The following NPFFR2 variants were observed in gnomAD, a reference collection of about 807,000 sequenced individuals.
The protein encoded by NPFFR2 is neuropeptide FF receptor 2.
NPFFR2 carries 15 observed loss-of-function variants against 13.1 expected under a neutral mutation model. That is an observed-to-expected ratio of 1.15 (90% CI 0.77 to 1.76). The LOEUF (loss-of-function observed/expected upper bound fraction) is 1.76. NPFFR2 is among the 40% of genes most tolerant of loss of function. NPFFR2 has a pLI of 0.00. For missense variants in NPFFR2, 572 were observed against 503.5 expected (o/e 1.14, Z -1.30); for synonymous variants, 190 against 175.7 (o/e 1.08, Z -0.65).
chr4:72,125,366 C>T (rs1200535724), intron 1 of NPFFR2, among the ~76,000 whole-genome samples: 1 of 151,372 alleles, frequency 6.6e-6, no homozygotes, highest in Non-Finnish European at 1.5e-5. Flanking sequence ...AAAAGAAAAC[C>T]TCCAACCTCT....
chr4:72,042,595 T>C (rs1017932269), intron 1 of NPFFR2, among the ~76,000 whole-genome samples: 4 of 152,146 alleles, frequency 2.6e-5, no homozygotes, highest in African/African-American at 7.2e-5. Context: ...CAGGCTGAGG[T>C]AATCTGAGAT....
chr4:72,133,493 TC>T (rs1482677956), intron 2 of NPFFR2, among the ~76,000 whole-genome samples: 1 of 152,212 alleles, frequency 6.6e-6, no homozygotes, highest in African/African-American at 2.4e-5. Flanking sequence ...CTATTCAGGC[TC>T]TTTTTTGCTT....
intron 1 of NPFFR2, among the ~76,000 whole-genome samples, chr4:72,126,871 T>A (rs1000328719): frequency 6.6e-6 from 1 of 152,198 alleles, no homozygotes; most frequent in African/African-American, 2.4e-5. Flanking sequence ...CTTCACCCCA[T>A]GTACATTTTC....
chr4:72,054,847 G>T (rs1270148485), intron 1 of NPFFR2, among the ~76,000 whole-genome samples: 2 of 151,802 alleles, frequency 1.3e-5, no homozygotes, highest in Admixed American at 6.6e-5. Context: ...ATGAAAAACT[G>T]TTCAGAGTTC....
intron 1 of NPFFR2, among the ~76,000 whole-genome samples, chr4:72,044,676 A>G (rs1719326675): frequency 6.6e-6 from 1 of 151,512 alleles, no homozygotes; most frequent in African/African-American, 2.4e-5. Context: ...TCATGTAGCC[A>G]TTGGCCATGT....
rs747544893 is a variant in NPFFR2, at chr4:72,147,131, C to G, written c.582C>G (p.Leu194=). 8.1e-6 allele frequency: 13 copies of G among 1,614,118 alleles called. No homozygotes were observed. Among genetic ancestry groups the G allele is most frequent in the Middle Eastern group, 3.3e-4 (2 of 6,062 alleles). Residue 194 remains leucine (L), a synonymous_variant, in exon 4 of 4, where the codon CTC becomes CTG. Coordinates refer to ENST00000308744, the MANE Select transcript of NPFFR2 (RefSeq NM_004885.3). ...AAGAAAAATATTACCGAGTGAGACT[C>G]AACTCCCAGAATAAAACCAGTCCAG... ...VQEEKYYRVR[L]NSQNKTSPVY...
chr4:72,059,742 A>C (rs1300263702), intron 1 of NPFFR2, among the ~76,000 whole-genome samples: 1 of 152,056 alleles, frequency 6.6e-6, no homozygotes, highest in Non-Finnish European at 1.5e-5. Context: ...ACTTATATTA[A>C]TATTTAGTCA....
At chr4:72,044,048 C>T (rs1385300330) in intron 1 of NPFFR2, among the ~76,000 whole-genome samples, 1 of 152,098 alleles carries the variant, frequency 6.6e-6, no homozygotes, top group South Asian at 2.1e-4. Flanking sequence ...GTGAGTGAGT[C>T]CTCACAAGAT....
rs369230783 is a variant in NPFFR2, at chr4:72,068,957, A to G, written c.-8+36757A>G. On this transcript the variant is annotated intron_variant, in intron 1 of 3. Coordinates refer to ENST00000308744, the MANE Select transcript of NPFFR2 (RefSeq NM_004885.3). The stretch of plus-strand genomic sequence containing the variant: ...TAGGATGTTAATTATAGCTTTTGAC[A>G]TACAAGAAACATCAAAAAGATTGAA... 495 of 1,431,934 alleles carry G rather than the reference A, an allele frequency of 3.5e-4. 4 individuals are homozygous for G. The highest frequency in any genetic ancestry group is 1.1e-3 in the African/African-American group (73 of 66,590). The allele number at this position is 1,431,934 out of a possible 1,614,324, so 88.7% of individuals were successfully genotyped here.
At chr4:72,118,467 T>A (rs1315642868) in intron 1 of NPFFR2, among the ~76,000 whole-genome samples, 1 of 152,154 alleles carries the variant, frequency 6.6e-6, no homozygotes, top group Non-Finnish European at 1.5e-5. Flanking sequence ...TTACTCAAAG[T>A]CACGCAGGTA....
intron 1 of NPFFR2, among the ~76,000 whole-genome samples, chr4:72,095,075 C>CT (rs1721024171): frequency 1.3e-5 from 2 of 152,106 alleles, no homozygotes; most frequent in South Asian, 4.1e-4. Context: ...TCTTCCAAGG[C>CT]TTTTTCATTG....
chr4:72,139,738 C>A (rs1008893075), intron 3 of NPFFR2, among the ~76,000 whole-genome samples: 1 of 152,062 alleles, frequency 6.6e-6, no homozygotes, highest in Non-Finnish European at 1.5e-5. Context: ...CTTGGCAATG[C>A]GGGCTCTTTT....
chr4:72,095,199 A>C (rs1355144481), intron 1 of NPFFR2, among the ~76,000 whole-genome samples: 2 of 152,214 alleles, frequency 1.3e-5, no homozygotes, highest in South Asian at 4.1e-4. Flanking sequence ...TCAGAAATAA[A>C]CACTGTTAAC....
At chr4:72,105,325 C>T (rs1721387482) in intron 1 of NPFFR2, among the ~76,000 whole-genome samples, 2 of 151,790 alleles carry the variant, frequency 1.3e-5, no homozygotes, top group African/African-American at 4.8e-5. Context: ...AAGGAAATAA[C>T]CTATTTTACT....
In NPFFR2 at chr4:72,147,758, A is replaced by G. The variant is rs942732721; in HGVS notation, c.1209A>G (p.Gln403=). 1.3e-6 allele frequency: 2 copies of G among 1,595,576 alleles called. No individual in the cohort carries two copies. The highest frequency in any genetic ancestry group is 1.7e-6 in the Non-Finnish European group (2 of 1,175,550). ...LLYRKSAEKP[Q]QELVMEELKE... Reference sequence around the variant, plus strand: ...ATAGGAAAAGTGCTGAAAAACCCCAACAGGAATTAGTGATGGAAGAATTAA... The same window carrying G: ...ATAGGAAAAGTGCTGAAAAACCCCAGCAGGAATTAGTGATGGAAGAATTAA... Residue 403 remains glutamine, a synonymous_variant, in exon 4 of 4, where the codon CAA becomes CAG. Coordinates refer to ENST00000308744, the MANE Select transcript of NPFFR2 (RefSeq NM_004885.3).
intron 1 of NPFFR2, among the ~76,000 whole-genome samples, chr4:72,049,355 A>G (rs6816572): frequency 0.9 from 136,221 of 151,784 alleles, 62,220 homozygotes; most frequent in Non-Finnish European, 0.99. Context: ...AAAGACATAT[A>G]TGTGTTCCAC....
At chr4:72,146,802 A>G (rs1448300521) in intron 3 of NPFFR2, among the ~76,000 whole-genome samples, 176 bp from the exon 4 acceptor site, 2 of 152,172 alleles carry the variant, frequency 1.3e-5, no homozygotes, top group African/African-American at 2.4e-5. Flanking sequence ...ATTAAAATTT[A>G]TCTCATATCA....
intron 1 of NPFFR2, among the ~76,000 whole-genome samples, chr4:72,101,545 A>T (rs941643025): frequency 6.6e-6 from 1 of 151,906 alleles, no homozygotes; most frequent in Non-Finnish European, 1.5e-5. Context: ...AATAGGGGTC[A>T]TAAAATAAAA....
intron 1 of NPFFR2, among the ~76,000 whole-genome samples, chr4:72,032,602 T>C (rs915519865): frequency 6.6e-6 from 1 of 152,248 alleles, no homozygotes; most frequent in African/African-American, 2.4e-5. Flanking sequence ...GATCTTTGTG[T>C]ATCTGAGGCT....
Sources: allele counts gnomAD v4.1 joint callset (sites outside exome capture counted in the v4.1 genomes callset), GRCh38; gene constraint gnomAD v4.1.1; transcripts MANE v1.5; gene names NCBI Gene and HGNC (gene_info 2026-07-23, HGNC 2026-07-21).